The following BMAL2 variants were observed in gnomAD, a reference collection of about 807,000 sequenced individuals.
BMAL2 encodes basic helix-loop-helix ARNT-like protein 2.
chr12:27,397,597 T>C, the BMAL2 span, among the ~76,000 whole-genome samples: 1 of 152,272 alleles, frequency 6.6e-6, no homozygotes, highest in African/African-American at 2.4e-5. Context: ...TTTTGCATTA[T>C]GTTTGAGATT....
At chr12:27,389,351 A>G in the BMAL2 span, 182 of 1,212,440 alleles carry the variant, frequency 1.5e-4, 1 homozygote, top group East Asian at 3.2e-3. Flanking sequence ...TGATCACCTA[A>G]AAGTTTAGCT....
the BMAL2 span, among the ~76,000 whole-genome samples, chr12:27,364,988 C>G: frequency 6.6e-6 from 1 of 151,988 alleles, no homozygotes; most frequent in Non-Finnish European, 1.5e-5. Context: ...TTATATACAG[C>G]CAACTTGCTA....
At chr12:27,387,822 T>C in the BMAL2 span, among the ~76,000 whole-genome samples, 1 of 152,188 alleles carries the variant, frequency 6.6e-6, no homozygotes, top group East Asian at 1.9e-4. Flanking sequence ...AACTAGCTAC[T>C]CAAAAATTAT....
At chr12:27,353,076 C>T in the BMAL2 span, among the ~76,000 whole-genome samples, 3 of 152,088 alleles carry the variant, frequency 2.0e-5, no homozygotes, top group African/African-American at 4.8e-5. Flanking sequence ...TAGAAAAAAA[C>T]GATTCCAAAA....
At chr12:27,366,175 G>T in the BMAL2 span, among the ~76,000 whole-genome samples, 1 of 152,020 alleles carries the variant, frequency 6.6e-6, no homozygotes, top group African/African-American at 2.4e-5. Context: ...AATGTTTTAT[G>T]TATGATATCA....
chr12:27,383,290 A>T, the BMAL2 span, among the ~76,000 whole-genome samples: 1 of 152,238 alleles, frequency 6.6e-6, no homozygotes, highest in African/African-American at 2.4e-5. Context: ...AGTACAGCAC[A>T]GTGTTCAAAT....
At chr12:27,410,477 C>T in the BMAL2 span, among the ~76,000 whole-genome samples, 1 of 152,120 alleles carries the variant, frequency 6.6e-6, no homozygotes, top group Non-Finnish European at 1.5e-5. Context: ...CCATCATTCT[C>T]AGCAAACTAT....
At chr12:27,413,581 G>A in the BMAL2 span, among the ~76,000 whole-genome samples, 1 of 152,150 alleles carries the variant, frequency 6.6e-6, no homozygotes, top group Non-Finnish European at 1.5e-5. Context: ...AAGACAGTAA[G>A]AAAGGAAGAA....
the BMAL2 span, among the ~76,000 whole-genome samples, chr12:27,354,304 A>G: frequency 6.6e-6 from 1 of 152,196 alleles, no homozygotes; most frequent in Non-Finnish European, 1.5e-5. Context: ...ATCCTAGGCA[A>G]ATTAACACAG....
chr12:27,402,948 C>T, the BMAL2 span, among the ~76,000 whole-genome samples: 1 of 152,188 alleles, frequency 6.6e-6, no homozygotes, highest in Non-Finnish European at 1.5e-5. Context: ...TTGCATTATA[C>T]TGCAATTAGT....
chr12:27,350,825 G>A, the BMAL2 span, among the ~76,000 whole-genome samples: 4 of 151,706 alleles, frequency 2.6e-5, no homozygotes, highest in East Asian at 1.9e-4. Context: ...GATTACAGGC[G>A]CCCACCACCA....
the BMAL2 span, among the ~76,000 whole-genome samples, chr12:27,350,846 A>C: frequency 6.6e-6 from 1 of 151,580 alleles, no homozygotes; most frequent in African/African-American, 2.4e-5. Flanking sequence ...CGCCTGGCTA[A>C]TTTTTGTATT....
the BMAL2 span, among the ~76,000 whole-genome samples, chr12:27,355,663 G>A: frequency 0.039 from 5,953 of 152,262 alleles, 122 homozygotes; most frequent in Middle Eastern, 0.085. Flanking sequence ...CTCTGCTTCA[G>A]TTCTCCAGCT....
chr12:27,379,998 G>C, the BMAL2 span, among the ~76,000 whole-genome samples: 1 of 152,174 alleles, frequency 6.6e-6, no homozygotes, highest in East Asian at 1.9e-4. Flanking sequence ...CTCTCAGACA[G>C]ATGTCTTTGT....
chr12:27,389,097 A>G, the BMAL2 span: 1 of 956,014 alleles, frequency 1.0e-6, no homozygotes. Context: ...TCAAAAATCA[A>G]AAAAGAACAT....
chr12:27,367,703 C>T, the BMAL2 span, among the ~76,000 whole-genome samples: 1 of 151,790 alleles, frequency 6.6e-6, no homozygotes, highest in Non-Finnish European at 1.5e-5. Flanking sequence ...CTTGAGTGTA[C>T]ACAATTAGTC....
the BMAL2 span, chr12:27,420,435 A>G: frequency 3.1e-5 from 50 of 1,613,924 alleles, no homozygotes; most frequent in Non-Finnish European, 3.9e-5. Context: ...CTATGTGACA[A>G]TGATGACACA....
chr12:27,420,662 A>T, the BMAL2 span: 3 of 1,094,624 alleles, frequency 2.7e-6, no homozygotes, highest in South Asian at 2.5e-5. Flanking sequence ...CACTTTTTAT[A>T]GATTTGCATC....
At chr12:27,401,462 T>C in the BMAL2 span, 6 of 1,544,012 alleles carry the variant, frequency 3.9e-6, no homozygotes, top group Non-Finnish European at 3.5e-6. Flanking sequence ...TGAATTAATC[T>C]TCACAACATT....
Sources: gnomAD v4.1 joint callset for allele counts (sites outside exome capture counted in the v4.1 genomes callset) on GRCh38, gnomAD v4.1.1 for gene constraint, MANE v1.5 for transcripts, NCBI Gene and HGNC (gene_info 2026-07-23, HGNC 2026-07-21) for gene names.